DISC1: variants seen among roughly 807,000 people sequenced by gnomAD.
DISC1 encodes the protein disrupted in schizophrenia 1 protein.
A neutral mutation model predicts 84.5 loss-of-function variants in DISC1; 57 were observed. The observed-to-expected ratio is 0.67, with a 90% CI of 0.55 to 0.84. The LOEUF is 0.84. Among genes scored for constraint, DISC1 ranks in the 40% least tolerant of loss-of-function variants. The pLI, the probability that DISC1 is intolerant of heterozygous loss-of-function variation, is 0.00. For missense variants in DISC1, 1,000 were observed against 1,057.8 expected (o/e 0.95, Z 0.76); for synonymous variants, 411 against 415.2 (o/e 0.99, Z 0.12).
intron 9 of DISC1, among the ~76,000 whole-genome samples, chr1:231,937,066 T>C (rs1320864430): frequency 6.6e-6 from 1 of 152,198 alleles, no homozygotes; most frequent in African/African-American, 2.4e-5. Flanking sequence ...ACTACAATCC[T>C]TCAAACACAC....
chr1:231,637,717 C>T (rs1003891275), intron 1 of DISC1, among the ~76,000 whole-genome samples: 10 of 152,046 alleles, frequency 6.6e-5, no homozygotes, highest in Non-Finnish European at 1.3e-4. Flanking sequence ...GTATGTATAC[C>T]GTATTTTCTT....
At chr1:231,958,160 A>T (rs750174171) in intron 9 of DISC1, among the ~76,000 whole-genome samples, 1 of 152,222 alleles carries the variant, frequency 6.6e-6, no homozygotes, top group Non-Finnish European at 1.5e-5. Flanking sequence ...CATTCCTCGG[A>T]TGAGCAAAAG....
intron 4 of DISC1, among the ~76,000 whole-genome samples, chr1:231,751,592 A>G (rs185010682): frequency 6.6e-6 from 1 of 152,122 alleles, no homozygotes; most frequent in African/African-American, 2.4e-5. Flanking sequence ...CTCTTCCCCA[A>G]CTGACACTCT....
chr1:231,986,710 A>T lies in DISC1; in HGVS notation c.2043-22075A>T, dbSNP rs79509886. Among the ~76,000 whole-genome samples the T allele has an allele frequency of 3.4e-3, 514 of 152,330 alleles. 4 individuals are homozygous for T. Among genetic ancestry groups the T allele is most frequent in the African/African-American group, 0.012 (502 of 41,572 alleles). On this transcript the variant is annotated intron_variant, in intron 10 of 12. Coordinates refer to ENST00000439617, the MANE Select transcript of DISC1 (RefSeq NM_018662.3). ...CTGTTTCACATTTAGAGTCAAAGGA[A>T]AACAATCCCCCACAGCAAGGAGCCT...
intron 6 of DISC1, among the ~76,000 whole-genome samples, chr1:231,785,503 A>G (rs1045455178): frequency 5.9e-5 from 9 of 151,810 alleles, no homozygotes; most frequent in African/African-American, 2.2e-4. Context: ...CATATTGTCC[A>G]GGCTGGTCTT....
chr1:231,737,510 A>G (rs910030865), intron 3 of DISC1, among the ~76,000 whole-genome samples: 19 of 152,246 alleles, frequency 1.2e-4, no homozygotes, highest in Non-Finnish European at 2.5e-4. Context: ...ATTTAAAATA[A>G]AGAAAAGTCA....
chr1:231,888,157 A>G (rs548792948), intron 9 of DISC1, among the ~76,000 whole-genome samples: 1 of 152,254 alleles, frequency 6.6e-6, no homozygotes, highest in South Asian at 2.1e-4. Flanking sequence ...CTTGTGGGGG[A>G]AGCAGTGGAG....
intron 10 of DISC1, among the ~76,000 whole-genome samples, chr1:231,964,216 C>T (rs1660780770): frequency 6.6e-6 from 1 of 152,150 alleles, no homozygotes; most frequent in Non-Finnish European, 1.5e-5. Context: ...TCCCAATAAA[C>T]ATGTATTGAA....
At chr1:231,799,889 T>TTCCCTCCCTCCC (rs1267053923) in intron 7 of DISC1, among the ~76,000 whole-genome samples, 2 of 188 alleles carry the variant, frequency 0.011, 1 homozygote, top group African/African-American at 0.083. Flanking sequence ...CCTTCCCTCC[T>TTCCCTCCCTCCC]TCCCTTCCTC....
At chr1:231,805,482 G>A (rs2079629274) in intron 8 of DISC1, among the ~76,000 whole-genome samples, 2 of 152,104 alleles carry the variant, frequency 1.3e-5, no homozygotes, top group South Asian at 4.2e-4. Flanking sequence ...GCCAGAGCAG[G>A]AGGAGGGGGG....
At chr1:231,696,844 C>T (rs1318331220) in intron 2 of DISC1, among the ~76,000 whole-genome samples, 1 of 152,246 alleles carries the variant, frequency 6.6e-6, no homozygotes, top group East Asian at 1.9e-4. Context: ...TGTGTAAGCA[C>T]ACTCTACGAT....
chr1:231,704,829 A>G (rs1267906540), intron 3 of DISC1, among the ~76,000 whole-genome samples: 6 of 149,610 alleles, frequency 4.0e-5, no homozygotes, highest in African/African-American at 1.5e-4. Context: ...GGGAGACTCC[A>G]TTTCTAATGA....
chr1:231,837,659 C>T (rs755577175), intron 9 of DISC1, among the ~76,000 whole-genome samples: 2 of 152,132 alleles, frequency 1.3e-5, no homozygotes, highest in Non-Finnish European at 2.9e-5. Flanking sequence ...GTATTTAACT[C>T]TCTACATGTG....
chr1:231,788,341 G>T (rs542916922), intron 6 of DISC1, among the ~76,000 whole-genome samples: 3 of 152,162 alleles, frequency 2.0e-5, no homozygotes, highest in African/African-American at 4.8e-5. Context: ...TTCCTTCTGG[G>T]GACTGTTAGG....
chr1:231,643,474 C>T (rs200159845), intron 1 of DISC1, among the ~76,000 whole-genome samples: 10 of 152,348 alleles, frequency 6.6e-5, no homozygotes, highest in Middle Eastern at 3.4e-3. Context: ...GTTCTCCTAG[C>T]AGTCAAAAAT....
intron 3 of DISC1, among the ~76,000 whole-genome samples, chr1:231,734,170 A>G (rs1238848737): frequency 6.6e-6 from 1 of 152,124 alleles, no homozygotes; most frequent in Non-Finnish European, 1.5e-5. Flanking sequence ...TATATAAGTG[A>G]TTCACTTTTC....
intron 11 of DISC1, among the ~76,000 whole-genome samples, chr1:232,020,104 G>T (rs931375972): frequency 1.3e-5 from 2 of 152,068 alleles, no homozygotes; most frequent in Non-Finnish European, 2.9e-5. Context: ...CACTTTGGGG[G>T]GCCAAGGCAG....
chr1:231,753,197 T>C (rs1288599746), intron 4 of DISC1, among the ~76,000 whole-genome samples: 1 of 152,214 alleles, frequency 6.6e-6, no homozygotes, highest in African/African-American at 2.4e-5. Context: ...ACATTCCCCC[T>C]CCATATTACC....
chr1:231,807,533 C>T (rs1424940754), intron 8 of DISC1, among the ~76,000 whole-genome samples: 2 of 152,208 alleles, frequency 1.3e-5, no homozygotes, highest in African/African-American at 4.8e-5. Context: ...GGTTGCTGAT[C>T]CCTAGAATCT....
Sources: gnomAD v4.1 joint callset for allele counts (sites outside exome capture counted in the v4.1 genomes callset) on GRCh38, gnomAD v4.1.1 for gene constraint, MANE v1.5 for transcripts, NCBI Gene and HGNC (gene_info 2026-07-23, HGNC 2026-07-21) for gene names.